Variants in PLIN4 observed in about 807,000 individuals in gnomAD.
PLIN4 encodes perilipin-4.
Under a neutral mutation model 52.4 loss-of-function variants are expected in PLIN4, and 57 were observed. The ratio of observed to expected loss-of-function variants is 1.09; its 90% CI spans 0.88 to 1.36. The LOEUF is 1.36. Among genes scored for constraint, PLIN4 ranks in the 40% most tolerant of loss-of-function variants. PLIN4 has a pLI of 0.00. For synonymous variants in PLIN4, 826 were observed against 785.4 expected (o/e 1.05, Z -0.86); for missense variants, 1,757 against 1,770.3 (o/e 0.99, Z 0.13).
At chr19:4,516,245 A>T (rs1976578588) in intron 4 of PLIN4, among the ~76,000 whole-genome samples, 1 of 152,190 alleles carries the variant, frequency 6.6e-6, no homozygotes, top group Admixed American at 6.5e-5. Flanking sequence ...GTGCCACTGC[A>T]CTCCAGCCTG....
chr19:4,504,788 G>C lies in PLIN4; in HGVS notation c.3790-3C>G. On this transcript the variant is annotated splice_polypyrimidine_tract_variant and splice_region_variant and intron_variant, in intron 7 of 7. Coordinates refer to ENST00000301286, the MANE Select transcript of PLIN4 (RefSeq NM_001367868.2). ...GACAGAACCCCGGCATCCCGCTCCT[G>C]TGGGAGGAAGGCGCAAGGTGAGTGG... 1.1e-5 allele frequency: 17 copies of C among 1,600,878 alleles called. No individual in the cohort carries two copies. Among genetic ancestry groups the C allele is most frequent in the Non-Finnish European group, 1.4e-5 (17 of 1,172,438 alleles).
chr19:4,516,226 A>G (rs11881475), intron 4 of PLIN4, among the ~76,000 whole-genome samples: 41,552 of 152,174 alleles, frequency 0.27, 11,268 homozygotes, highest in African/African-American at 0.71. Context: ...GTTGCAGTGA[A>G]CTGAGATTGT....
In PLIN4 at chr19:4,504,240, A is replaced by C; in HGVS notation, c.*219T>G. The C allele has an allele frequency of 2.1e-6, 1 of 481,854 alleles. No homozygotes were observed. Among genetic ancestry groups the C allele is most frequent in the South Asian group, 4.4e-5 (1 of 22,536 alleles). 29.8% of individuals were successfully genotyped at this position (481,854 alleles called of 1,614,324 possible). ...CCGAGAGGGGCAGGCAGCGCTGGGG[A>C]GGAGGTGGGAGATGCAGGCAGGCCC... On this transcript the variant is annotated 3_prime_UTR_variant, in exon 8 of 8. Coordinates refer to ENST00000301286, the MANE Select transcript of PLIN4 (RefSeq NM_001367868.2).
Position 4,504,774 on chromosome 19 carries a change from G to T in PLIN4, c.3801C>A (p.Ala1267=). 6.3e-7 allele frequency: 1 copy of T among 1,599,482 alleles called. No individual in the cohort carries two copies. The highest frequency in any genetic ancestry group is 8.5e-7 in the Non-Finnish European group (1 of 1,171,868). Residue 1267 remains alanine, a synonymous_variant, in exon 8 of 8, where the codon GCC becomes GCA. Coordinates refer to ENST00000301286, the MANE Select transcript of PLIN4 (RefSeq NM_001367868.2). ...GGCCGCAGACCCTGGACAGAACCCC[G>T]GCATCCCGCTCCTGTGGGAGGAAGG... The part of the protein sequence containing the change: ...EDAAVQEERD[A]GVLSRVCGLL...
rs1425222316 is a variant in PLIN4 at position 4,504,546 on chromosome 19, C to T, written c.4029G>A (p.Gly1343=). The change falls in exon 8 of 8, where the codon GGG becomes GGA. Residue 1343 remains glycine (G), a synonymous_variant. Transcript: ENST00000301286. ...SREGVHQAWQ[G]LEQLLEGLQH... is the part of the protein sequence containing the mutation. ...GTAGGCCCTCCAGCAGCTGCTCTAACCCCTGCCAAGCCTGGTGCACACCCT... is the reference window on the plus strand; with the variant it reads ...GTAGGCCCTCCAGCAGCTGCTCTAATCCCTGCCAAGCCTGGTGCACACCCT... 2 of 1,606,486 alleles carry T rather than the reference C, an allele frequency of 1.2e-6. No individual in the cohort carries two copies. Among genetic ancestry groups the T allele is most frequent in the African/African-American group, 1.3e-5 (1 of 74,792 alleles).
chr19:4,517,709 G>C lies in PLIN4; in HGVS notation c.52-11C>G. 6.3e-7 allele frequency: 1 copy of C among 1,574,924 alleles called. No individual in the cohort carries two copies. Among genetic ancestry groups the C allele is most frequent in the Non-Finnish European group, 8.6e-7 (1 of 1,160,770 alleles). ...GAAGCTGCCCAGGGTCTGCATGGGG[G>C]CGGGGGGTGTGCAGGATGAGCAGGC... On this transcript the variant is annotated splice_polypyrimidine_tract_variant and intron_variant, in intron 2 of 7. Transcript: ENST00000301286.
In PLIN4 at chr19:4,504,597, G is replaced by T. The variant is rs377647763; in HGVS notation, c.3978C>A (p.Pro1326=). ...VASAGSVEEL[P]AERLVQSREG... ...CGCGGCTCTGCACCAGCCGCTCTGC[G>T]GGCAGCTCCTCTACAGAGCCAGCTG... Residue 1326 remains proline, a synonymous_variant, in exon 8 of 8, where the codon CCC becomes CCA. Transcript: ENST00000301286. 2.5e-6 allele frequency: 4 copies of T among 1,603,976 alleles called. No homozygotes were observed. Among genetic ancestry groups the T allele is most frequent in the Non-Finnish European group, 3.4e-6 (4 of 1,177,666 alleles).
At chr19:4,509,325 A>AAAAAAAAAAAAAAAAAAAAAAAT (rs1976211715) in intron 5 of PLIN4, among the ~76,000 whole-genome samples, 1 of 143,858 alleles carries the variant, frequency 7.0e-6, no homozygotes, top group Non-Finnish European at 1.5e-5. Context: ...AAAAAAAAAA[A>AAAAAAAAAAAAAAAAAAAAAAAT]GTTAAGTGAG....
intron 6 of PLIN4, among the ~76,000 whole-genome samples, chr19:4,506,329 T>G (rs966483270): frequency 6.6e-6 from 1 of 152,142 alleles, no homozygotes; most frequent in African/African-American, 2.4e-5. Context: ...GGCCGTGCCC[T>G]CCGCTCAGAT....
At chr19:4,508,295 C>T (rs1359015583) in intron 6 of PLIN4, among the ~76,000 whole-genome samples, 2 of 152,094 alleles carry the variant, frequency 1.3e-5, no homozygotes, top group East Asian at 1.9e-4. Context: ...CTTGCTCTGT[C>T]GCCCAGGCTG....
Position 4,504,189 on chromosome 19 carries a change from G to A in PLIN4, c.*270C>T, listed in dbSNP as rs933424508. 7 of 412,152 alleles carry A rather than the reference G, an allele frequency of 1.7e-5. No homozygotes were observed. Among genetic ancestry groups the A allele is most frequent in the African/African-American group, 1.4e-4 (7 of 49,086 alleles). The allele number at this position is 412,152 out of a possible 1,614,324, so 25.5% of individuals were successfully genotyped here. ...TGGGGACTTCAAGGGAAGGCTCTTGGCTGGTGGTCTGAGTGACCCCAGGCT... is the reference window on the plus strand; with the variant it reads ...TGGGGACTTCAAGGGAAGGCTCTTGACTGGTGGTCTGAGTGACCCCAGGCT... On this transcript the variant is annotated 3_prime_UTR_variant, in exon 8 of 8. Transcript: ENST00000301286.
rs1330982437 is a variant in PLIN4, at chr19:4,517,557, G to A, written c.193C>T (p.Gln65Ter). The A allele has an allele frequency of 6.2e-7, 1 of 1,608,830 alleles. No homozygotes were observed. Among genetic ancestry groups the A allele is most frequent in the South Asian group, 1.1e-5 (1 of 90,748 alleles). ...CCCAGCTGGGCCAGCCACTCACCCT[G>A]AGCCTGTGGTTGGGCAGCCTCGGCA... is the stretch of plus-strand genomic sequence containing the variant. ...PAAEAAQPQAQVAAHPEQTAP... is the reference protein window; with the variant it reads ...PAAEAAQPQA The change falls in exon 3 of 8, where the codon CAG becomes TAG. Residue 65 changes from glutamine (Q) to a stop codon, truncating the protein, a stop_gained. Transcript: ENST00000301286. LOFTEE classifies it high-confidence loss of function.
Position 4,516,611 on chromosome 19 carries a change from T to C in PLIN4, c.258+6A>G. 2 of 1,601,662 alleles carry C rather than the reference T, an allele frequency of 1.2e-6. No homozygotes were observed. The highest frequency in any genetic ancestry group is 8.5e-7 in the Non-Finnish European group (1 of 1,174,286). On this transcript the variant is annotated splice_donor_region_variant and intron_variant, in intron 4 of 7. Transcript: ENST00000301286. ...ACATCAGACCCTGCCCTGCACATCCTCTCACCTTTTCCGAAGGTTGCAGCT... is the reference window on the plus strand; with the variant it reads ...ACATCAGACCCTGCCCTGCACATCCCCTCACCTTTTCCGAAGGTTGCAGCT...
In PLIN4 at chr19:4,512,587, G is replaced by A. The variant is rs1297704418; in HGVS notation, c.1373C>T (p.Thr458Ile). Reference sequence around the variant, plus strand: ...CTTGGTACCAGTTAGAACGATCTTGGTGGTGTCCACGCCTGTCTGGATGGT... The same window carrying A: ...CTTGGTACCAGTTAGAACGATCTTGATGGTGTCCACGCCTGTCTGGATGGT... ...RGTIQTGVDT[T>I]KIVLTGTKDT... Residue 458 changes from threonine (T) to isoleucine (I), a missense_variant, in exon 5 of 8, where the codon ACC becomes ATC. Transcript: ENST00000301286. 2 of 1,610,162 alleles carry A rather than the reference G, an allele frequency of 1.2e-6. No individual in the cohort carries two copies. Among genetic ancestry groups the A allele is most frequent in the African/African-American group, 1.3e-5 (1 of 74,326 alleles).
At chr19:4,518,147 C>A in intron 2 of PLIN4, 75 bp downstream of exon 2, 1 of 1,170,746 alleles carries the variant, frequency 8.5e-7, no homozygotes, top group East Asian at 3.2e-5. Context: ...GACCCCAGGA[C>A]TGTGGAGGTC....
At chr19:4,514,123 C>T (rs4807598) in intron 4 of PLIN4, among the ~76,000 whole-genome samples, 145,322 of 152,292 alleles carry the variant, frequency 0.95, 69,375 homozygotes, top group East Asian at 0.98. Flanking sequence ...CCTGGCGTCC[C>T]AGGGACACCA....
intron 6 of PLIN4, among the ~76,000 whole-genome samples, chr19:4,507,156 C>G (rs1976119483): frequency 6.6e-6 from 1 of 152,236 alleles, no homozygotes; most frequent in Admixed American, 6.5e-5. Context: ...CGGCTTGTCA[C>G]AAACCCCGGA....
At position 4,512,131 on chromosome 19, in the gene PLIN4, T is replaced by C. The variant is rs767687782; in HGVS notation, c.1829A>G (p.Asn610Ser). 9.3e-6 allele frequency: 15 copies of C among 1,607,100 alleles called. No homozygotes were observed. Among genetic ancestry groups the C allele is most frequent in the Non-Finnish European group, 1.3e-5 (15 of 1,178,486 alleles). The change falls in exon 5 of 8, where the codon AAT becomes AGT. Residue 610 changes from asparagine to serine, a missense_variant. Around this residue, in one of 7 missense-constraint regions of PLIN4, gnomAD observed 439 missense variants for 406.4 expected, o/e 1.08. Coordinates refer to ENST00000301286, the MANE Select transcript of PLIN4 (RefSeq NM_001367868.2). Reference sequence around the variant, plus strand: ...TGTCTGGACGGTCCCTTTGGCGACATTCACTGCCCCCACGAGCCCAGTAGT... The same window carrying C: ...TGTCTGGACGGTCCCTTTGGCGACACTCACTGCCCCCACGAGCCCAGTAGT... ...TVTTGLVGAV[N>S]VAKGTVQTGM...
rs1568224891 is a variant in PLIN4 at position 4,504,758 on chromosome 19, C to T, written c.3817G>A (p.Val1273Ile). Residue 1273 changes from valine to isoleucine, a missense_variant, in exon 8 of 8, where the codon GTC becomes ATC. Val to Ile is a conservative substitution (Grantham distance 29). Around this residue, in one of 7 missense-constraint regions of PLIN4, gnomAD observed 712 missense variants for 637.1 expected, o/e 1.12. Transcript: ENST00000301286. ...EERDAGVLSR[V>I]CGLLRQLHTA... is the part of the protein sequence containing the mutation. The stretch of plus-strand genomic sequence containing the variant: ...TGCAGCTGCCGGAGAAGGCCGCAGA[C>T]CCTGGACAGAACCCCGGCATCCCGC... 1.9e-6 allele frequency: 3 copies of T among 1,600,614 alleles called. No individual in the cohort carries two copies. The highest frequency in any genetic ancestry group is 2.6e-6 in the Non-Finnish European group (3 of 1,173,428).
Sources: allele counts gnomAD v4.1 joint callset (sites outside exome capture counted in the v4.1 genomes callset), GRCh38; gene constraint gnomAD v4.1.1; regional missense constraint gnomAD v4.1.1; transcripts MANE v1.5; gene names NCBI Gene and HGNC (gene_info 2026-07-23, HGNC 2026-07-21).